BABAM2: variants seen among roughly 807,000 people sequenced by gnomAD.
The protein encoded by BABAM2 is BRISC and BRCA1-A complex member 2.
BABAM2 carries 31 observed loss-of-function variants against 54.7 expected under a neutral mutation model. That is an observed-to-expected ratio of 0.57 (90% CI 0.43 to 0.77). The LOEUF is 0.77. BABAM2 is among the 30% of genes least tolerant of loss of function. The probability of loss-of-function intolerance (pLI) is 0.00; values close to 1 mark genes in which losing one functional copy is unlikely to be tolerated. For synonymous variants in BABAM2, 167 were observed against 162.9 expected (o/e 1.03, Z -0.19); for missense variants, 364 against 455.8 (o/e 0.80, Z 1.83).
At chr2:27,958,290 G>A (rs1670232223) in intron 3 of BABAM2, among the ~76,000 whole-genome samples, 2 of 152,054 alleles carry the variant, frequency 1.3e-5, no homozygotes, top group Admixed American at 1.3e-4. Flanking sequence ...GAGGGTGGAA[G>A]AGATGGGGAG....
intron 7 of BABAM2, among the ~76,000 whole-genome samples, chr2:28,189,508 C>T (rs1231630244): frequency 6.6e-6 from 1 of 152,020 alleles, no homozygotes; most frequent in Non-Finnish European, 1.5e-5. Flanking sequence ...ATTTGTTGAA[C>T]AGAGGATAGG....
intron 2 of BABAM2, among the ~76,000 whole-genome samples, chr2:27,923,752 C>T (rs995757543): frequency 6.6e-6 from 1 of 152,306 alleles, no homozygotes; most frequent in African/African-American, 2.4e-5. Flanking sequence ...AGGAGGATCA[C>T]TTAATTCCAG....
At chr2:28,037,051 G>A (rs1369565438) in intron 5 of BABAM2, among the ~76,000 whole-genome samples, 1 of 151,986 alleles carries the variant, frequency 6.6e-6, no homozygotes, top group Non-Finnish European at 1.5e-5. Flanking sequence ...TATTATATAC[G>A]CTTTTAGTTT....
chr2:27,999,055 G>A (rs1210826372), intron 4 of BABAM2, among the ~76,000 whole-genome samples: 1 of 152,082 alleles, frequency 6.6e-6, no homozygotes, highest in East Asian at 1.9e-4. Context: ...ATTCTGTCTA[G>A]TAATTGCTTG....
At chr2:27,975,915 A>G (rs1303937467) in intron 3 of BABAM2, among the ~76,000 whole-genome samples, 1 of 152,148 alleles carries the variant, frequency 6.6e-6, no homozygotes, top group Non-Finnish European at 1.5e-5. Flanking sequence ...ACCAAGGAAT[A>G]TATACAGGTA....
At chr2:28,308,659 A>G in intron 11 of BABAM2, 1 of 303,804 alleles carries the variant, frequency 3.3e-6, no homozygotes, top group East Asian at 8.9e-5. Flanking sequence ...AGGTCCTCTG[A>G]CCCTTCTGCA....
At chr2:27,892,264 C>T (rs1367895202) in intron 1 of BABAM2, 1 of 152,036 alleles carries the variant, frequency 6.6e-6, no homozygotes, top group Non-Finnish European at 1.5e-5. Context: ...AATTATTGTT[C>T]TCAGGGAACA....
intron 3 of BABAM2, among the ~76,000 whole-genome samples, chr2:27,983,434 T>C (rs1003641098): frequency 6.6e-6 from 1 of 152,168 alleles, no homozygotes; most frequent in Non-Finnish European, 1.5e-5. Context: ...TTTCTTTGGC[T>C]ATTTGCATCC....
intron 10 of BABAM2, among the ~76,000 whole-genome samples, chr2:28,277,975 A>G (rs1359998722): frequency 6.6e-6 from 1 of 152,212 alleles, no homozygotes; most frequent in Non-Finnish European, 1.5e-5. Flanking sequence ...TGGAAGTGCA[A>G]TTAGAAATCT....
chr2:28,071,694 A>G (rs1013810140), intron 6 of BABAM2, among the ~76,000 whole-genome samples: 2 of 152,226 alleles, frequency 1.3e-5, no homozygotes, highest in African/African-American at 2.4e-5. Flanking sequence ...TACAGTTCAT[A>G]TAGGAAAGGC....
chr2:28,310,098 G>C (rs377409351), intron 11 of BABAM2: 161 of 1,614,096 alleles, frequency 1.0e-4, no homozygotes, highest in Non-Finnish European at 1.3e-4. Context: ...GAGCAACAGA[G>C]ATGGGGAGGA....
chr2:27,989,448 T>A (rs1672627530), intron 4 of BABAM2, among the ~76,000 whole-genome samples: 1 of 152,156 alleles, frequency 6.6e-6, no homozygotes, highest in Non-Finnish European at 1.5e-5. Context: ...ATTGGGGGAA[T>A]GACATAAGCA....
At chr2:28,163,384 G>A (rs1673298024) in intron 7 of BABAM2, among the ~76,000 whole-genome samples, 7 of 152,150 alleles carry the variant, frequency 4.6e-5, no homozygotes. Context: ...GTCAGTAGCT[G>A]GCTATCAGGG....
intron 5 of BABAM2, among the ~76,000 whole-genome samples, chr2:28,027,345 GT>G (rs1675946678): frequency 6.6e-6 from 1 of 152,118 alleles, no homozygotes; most frequent in African/African-American, 2.4e-5. Flanking sequence ...AAATTTACCT[GT>G]TTTAAGTGTA....
chr2:28,305,832 C>G (rs1688470613), intron 11 of BABAM2, among the ~76,000 whole-genome samples: 1 of 151,996 alleles, frequency 6.6e-6, no homozygotes. Flanking sequence ...AGAGTAGAAG[C>G]TTAGGTCACA....
chr2:28,260,915 A>T (rs1034610685), intron 10 of BABAM2, among the ~76,000 whole-genome samples: 1 of 149,644 alleles, frequency 6.7e-6, no homozygotes. Flanking sequence ...TCGTGAATGA[A>T]GTTTTCAAAA....
intron 11 of BABAM2, among the ~76,000 whole-genome samples, chr2:28,335,179 T>A (rs1313516812): frequency 4.0e-5 from 2 of 49,500 alleles, no homozygotes; most frequent in African/African-American, 6.4e-5. Context: ...TTTTTTTTTT[T>A]TTGAGACAGA....
At chr2:28,299,863 G>C (rs191779199) in intron 11 of BABAM2, among the ~76,000 whole-genome samples, 5 of 152,172 alleles carry the variant, frequency 3.3e-5, no homozygotes, top group Non-Finnish European at 4.4e-5. Flanking sequence ...CTTCCATGGG[G>C]CCTCCTGACC....
At chr2:27,894,274 C>G (rs1665107280) in intron 1 of BABAM2, among the ~76,000 whole-genome samples, 1 of 152,064 alleles carries the variant, frequency 6.6e-6, no homozygotes, top group Non-Finnish European at 1.5e-5. Context: ...TAGAAATCAG[C>G]TTTGGGAAGG....
Sources: gnomAD v4.1 joint callset for allele counts (sites outside exome capture counted in the v4.1 genomes callset) on GRCh38, gnomAD v4.1.1 for gene constraint, MANE v1.5 for transcripts, NCBI Gene and HGNC (gene_info 2026-07-23, HGNC 2026-07-21) for gene names.